Variants in SGCZ observed in about 807,000 individuals in gnomAD.
SGCZ encodes sarcoglycan zeta, also known as zeta-sarcoglycan.
In SGCZ, 40 loss-of-function variants were observed where a neutral mutation model predicts 41.3. That is an observed-to-expected ratio of 0.97 (90% CI 0.75 to 1.26). SGCZ has a LOEUF of 1.26. SGCZ is among the 50% of genes most tolerant of loss of function. The pLI is 0.00. For synonymous variants in SGCZ, 206 were observed against 137.5 expected (o/e 1.50, Z -3.49); for missense variants, 552 against 369.8 (o/e 1.49, Z -4.04).
chr8:14,212,735 A>G (rs1217183035), intron 4 of SGCZ, among the ~76,000 whole-genome samples: 1 of 152,206 alleles, frequency 6.6e-6, no homozygotes, highest in Non-Finnish European at 1.5e-5. Flanking sequence ...ACTGAAGCCA[A>G]CATTGAGATG....
At position 14,775,458 on chromosome 8, in the gene SGCZ, T is replaced by TGA. The variant is rs983165946; in HGVS notation, c.40-220534_40-220533dup. Among the ~76,000 whole-genome samples the TGA allele has an allele frequency of 6.4e-5, 3 of 47,226 alleles. No homozygotes were observed. In the Admixed American group the frequency reaches 6.6e-4, roughly 10 times the overall value. 31.0% of individuals were successfully genotyped at this position (47,226 alleles called of 152,430 possible). On this transcript the variant is annotated intron_variant, in intron 1 of 7. Coordinates refer to ENST00000382080, the MANE Select transcript of SGCZ (RefSeq NM_139167.4). ...ATGACAGTATGCTGAGTAGAATATT[T>TGA]GAGTGTGTGTGTGTGTGTGTGTGTG...
chr8:14,931,367 G>T (rs1184170342), intron 1 of SGCZ, among the ~76,000 whole-genome samples: 2 of 151,840 alleles, frequency 1.3e-5, no homozygotes, highest in Non-Finnish European at 1.5e-5. Context: ...TTTGTTATTT[G>T]TGTTTTAACA....
intron 2 of SGCZ, among the ~76,000 whole-genome samples, chr8:14,551,754 G>A (rs184386797): frequency 8.1e-6 from 1 of 122,956 alleles, no homozygotes; most frequent in African/African-American, 3.0e-5. Flanking sequence ...TCCTTTTTTG[G>A]TTTTCTACAA....
At chr8:14,946,682 T>TA (rs1202056766) in intron 1 of SGCZ, among the ~76,000 whole-genome samples, 4 of 151,342 alleles carry the variant, frequency 2.6e-5, no homozygotes, top group African/African-American at 9.7e-5. Context: ...TGTATTTTTT[T>TA]TTTTTTTTTT....
chr8:14,139,345 G>T (rs1803296648), intron 5 of SGCZ, among the ~76,000 whole-genome samples: 1 of 152,108 alleles, frequency 6.6e-6, no homozygotes, highest in Non-Finnish European at 1.5e-5. Context: ...ACTAAGATCA[G>T]AGCAGAGCTG....
intron 4 of SGCZ, among the ~76,000 whole-genome samples, chr8:14,183,629 G>C (rs1044286121): frequency 1.1e-4 from 16 of 152,212 alleles, no homozygotes; most frequent in Admixed American, 4.6e-4. Context: ...TACAAAAATT[G>C]TTTCACAAAA....
chr8:14,738,058 G>T (rs1422525224), intron 1 of SGCZ, among the ~76,000 whole-genome samples: 1 of 152,130 alleles, frequency 6.6e-6, no homozygotes, highest in African/African-American at 2.4e-5. Flanking sequence ...AAATCCTGGC[G>T]TTCGCACTTT....
intron 1 of SGCZ, among the ~76,000 whole-genome samples, chr8:14,924,855 C>CTTTT (rs35271116): frequency 2.8e-5 from 3 of 108,670 alleles, no homozygotes; most frequent in African/African-American, 7.5e-5. Context: ...GAATTTAAGA[C>CTTTT]TTTTTTTTTT....
At chr8:14,096,949 C>A (rs545405960) in intron 7 of SGCZ, among the ~76,000 whole-genome samples, 1 of 152,030 alleles carries the variant, frequency 6.6e-6, no homozygotes, top group Admixed American at 6.6e-5. Context: ...GTGGTGATAT[C>A]CCCTTCATCA....
At chr8:14,616,159 T>C (rs1251647552) in intron 1 of SGCZ, among the ~76,000 whole-genome samples, 1 of 151,890 alleles carries the variant, frequency 6.6e-6, no homozygotes, top group Admixed American at 6.6e-5. Flanking sequence ...AGCGGGCGCC[T>C]CTAGTCCCAG....
intron 1 of SGCZ, among the ~76,000 whole-genome samples, chr8:14,803,490 C>A (rs905905496): frequency 6.6e-6 from 1 of 152,122 alleles, no homozygotes; most frequent in African/African-American, 2.4e-5. Flanking sequence ...AAAATCGGGT[C>A]ACTCCCACCC....
intron 1 of SGCZ, among the ~76,000 whole-genome samples, chr8:14,962,386 G>GTA (rs35553186): frequency 0.012 from 1,713 of 148,620 alleles, 12 homozygotes; most frequent in African/African-American, 0.017. Flanking sequence ...CAAGGTAATT[G>GTA]TATATATATA....
At chr8:14,422,091 A>G (rs963327218) in intron 2 of SGCZ, among the ~76,000 whole-genome samples, 22 of 152,162 alleles carry the variant, frequency 1.4e-4, no homozygotes, top group Admixed American at 1.4e-3. Context: ...AGTCTTAACA[A>G]ATGTGGTTTT....
intron 1 of SGCZ, among the ~76,000 whole-genome samples, chr8:14,630,521 G>T (rs12676012): frequency 0.33 from 50,514 of 151,584 alleles, 8,712 homozygotes; most frequent in East Asian, 0.63. Flanking sequence ...CCCATTACTG[G>T]GTATACACCC....
At chr8:14,926,706 T>A (rs148644146) in intron 1 of SGCZ, among the ~76,000 whole-genome samples, 2,630 of 152,214 alleles carry the variant, frequency 0.017, 35 homozygotes, top group South Asian at 0.038. Flanking sequence ...AGTGGCATGA[T>A]CTCAGCTCAC....
intron 3 of SGCZ, among the ~76,000 whole-genome samples, chr8:14,266,963 G>A (rs1457551023): frequency 2.0e-5 from 3 of 152,012 alleles, no homozygotes; most frequent in African/African-American, 7.2e-5. Flanking sequence ...CTTCTGTGAA[G>A]GAACTAGGAC....
In SGCZ at chr8:15,009,770, C is replaced by A. The variant is rs11203673; in HGVS notation, c.39+227815G>T. Among the ~76,000 whole-genome samples, 5 of 152,240 alleles carry A rather than the reference C, an allele frequency of 3.3e-5. No homozygotes were observed. In the East Asian group the frequency reaches 9.7e-4, roughly 30 times the overall value. On this transcript the variant is annotated intron_variant, in intron 1 of 7. Coordinates refer to ENST00000382080, the MANE Select transcript of SGCZ (RefSeq NM_139167.4). The stretch of plus-strand genomic sequence containing the variant: ...ATGAGACCTATGCTTGTTTAGCAAA[C>A]GCAAAATTTGAATGACCTGGTATTT...
At chr8:14,761,491 G>T (rs1160472802) in intron 1 of SGCZ, among the ~76,000 whole-genome samples, 1 of 148,880 alleles carries the variant, frequency 6.7e-6, no homozygotes, top group Non-Finnish European at 1.5e-5. Context: ...AAGATTAATT[G>T]TACATGTTTC....
intron 1 of SGCZ, among the ~76,000 whole-genome samples, chr8:14,730,155 C>A (rs1810187930): frequency 6.6e-6 from 1 of 152,158 alleles, no homozygotes; most frequent in South Asian, 2.1e-4. Context: ...ATCATCTCAT[C>A]AAGAGAATCT....
Sources: gnomAD v4.1 joint callset for allele counts (sites outside exome capture counted in the v4.1 genomes callset) on GRCh38, gnomAD v4.1.1 for gene constraint, MANE v1.5 for transcripts, NCBI Gene and HGNC (gene_info 2026-07-23, HGNC 2026-07-21) for gene names.